The following PCDH9 variants were observed in gnomAD, a reference collection of about 807,000 sequenced individuals.
The protein encoded by PCDH9 is protocadherin-9.
In PCDH9, 24 loss-of-function variants were observed where a neutral mutation model predicts 70.6. That is an observed-to-expected ratio of 0.34 (90% CI 0.25 to 0.48). The LOEUF is 0.48. PCDH9 is among the 20% of genes least tolerant of loss of function. PCDH9 has a pLI of 0.99. For missense variants in PCDH9, 1,281 were observed against 1,503.6 expected, an observed-to-expected ratio of 0.85 and a Z score of 2.45; for synonymous variants, 562 against 558.5, an observed-to-expected ratio of 1.01 and a Z score of -0.09.
chr13:67,178,868 C>A (rs1413797480), intron 2 of PCDH9, among the ~76,000 whole-genome samples: 1 of 152,030 alleles, frequency 6.6e-6, no homozygotes, highest in African/African-American at 2.4e-5. Flanking sequence ...AGGAGAAAGA[C>A]TTTCCTGAGC....
At chr13:66,863,530 A>G (rs1222206893) in intron 3 of PCDH9, among the ~76,000 whole-genome samples, 1 of 152,080 alleles carries the variant, frequency 6.6e-6, no homozygotes, top group African/African-American at 2.4e-5. Context: ...TCTGTCGCCC[A>G]CCTGGAGTGC....
chr13:66,683,104 A>C (rs1175289705), intron 3 of PCDH9, among the ~76,000 whole-genome samples: 1 of 152,102 alleles, frequency 6.6e-6, no homozygotes, highest in Admixed American at 6.6e-5. Flanking sequence ...CAACGTTACA[A>C]CCTGTTATGA....
intron 2 of PCDH9, among the ~76,000 whole-genome samples, chr13:67,116,977 T>G (rs1280855452): frequency 2.0e-5 from 3 of 152,118 alleles, no homozygotes; most frequent in Non-Finnish European, 4.4e-5. Context: ...TAATCAAACT[T>G]TTACATTATC....
At chr13:66,858,413 G>T (rs2081429515) in intron 3 of PCDH9, among the ~76,000 whole-genome samples, 11 of 152,044 alleles carry the variant, frequency 7.2e-5, no homozygotes, top group Admixed American at 7.2e-4. Context: ...GGTTACAAGT[G>T]GCCTGTATTT....
intron 3 of PCDH9, among the ~76,000 whole-genome samples, chr13:66,743,368 T>G (rs2079301802): frequency 1.6e-5 from 2 of 126,082 alleles, no homozygotes; most frequent in South Asian, 3.2e-4. Context: ...GGGGGAGGGA[T>G]AGCATTGGGA....
At chr13:66,919,028 T>C (rs1566292750) in intron 2 of PCDH9, among the ~76,000 whole-genome samples, 1 of 151,332 alleles carries the variant, frequency 6.6e-6, no homozygotes, top group Non-Finnish European at 1.5e-5. Flanking sequence ...CCCTCCTGTA[T>C]GTCTCTGTTC....
At chr13:66,498,620 AC>A (rs1484369149) in intron 4 of PCDH9, among the ~76,000 whole-genome samples, 1 of 152,088 alleles carries the variant, frequency 6.6e-6, no homozygotes, top group African/African-American at 2.4e-5. Context: ...ATAATTCCCA[AC>A]CCCACAAATA....
chr13:66,718,753 C>T (rs1466926755), intron 3 of PCDH9, among the ~76,000 whole-genome samples: 1 of 152,204 alleles, frequency 6.6e-6, no homozygotes, highest in Non-Finnish European at 1.5e-5. Flanking sequence ...CCAAAATAAA[C>T]ACCAGGGTTA....
At chr13:66,744,251 G>A (rs1346161468) in intron 3 of PCDH9, among the ~76,000 whole-genome samples, 1 of 152,094 alleles carries the variant, frequency 6.6e-6, no homozygotes, top group African/African-American at 2.4e-5. Flanking sequence ...CCTGGAGAAA[G>A]ATACTTTATG....
intron 2 of PCDH9, among the ~76,000 whole-genome samples, chr13:66,954,341 T>C (rs1185124745): frequency 6.6e-6 from 1 of 152,178 alleles, no homozygotes; most frequent in Admixed American, 6.5e-5. Flanking sequence ...CTTCACTTTA[T>C]CCATAAAACT....
At chr13:66,543,911 A>C (rs1346136141) in intron 4 of PCDH9, among the ~76,000 whole-genome samples, 1 of 152,170 alleles carries the variant, frequency 6.6e-6, no homozygotes, top group Non-Finnish European at 1.5e-5. Flanking sequence ...GACACAGCCA[A>C]CTTCCATCAC....
intron 2 of PCDH9, among the ~76,000 whole-genome samples, chr13:66,911,382 C>T (rs1020093165): frequency 1.1e-4 from 17 of 152,154 alleles, no homozygotes; most frequent in African/African-American, 3.9e-4. Context: ...TACTTCTAAC[C>T]TCTCTAACTT....
At chr13:67,217,286 T>G (rs1487682920) in intron 2 of PCDH9, 1 of 149,558 alleles carries the variant, frequency 6.7e-6, no homozygotes, top group Non-Finnish European at 1.5e-5. Context: ...AAAAAAAACC[T>G]AATTCACTGA....
intron 3 of PCDH9, among the ~76,000 whole-genome samples, chr13:66,850,656 T>C (rs1386980564): frequency 2.0e-5 from 3 of 152,228 alleles, no homozygotes; most frequent in African/African-American, 7.2e-5. Context: ...TTAAAGATGA[T>C]AACAAAAATG....
chr13:66,804,423 C>T (rs1363805716), intron 3 of PCDH9, among the ~76,000 whole-genome samples: 1 of 151,900 alleles, frequency 6.6e-6, no homozygotes, highest in Non-Finnish European at 1.5e-5. Context: ...AATTGCTTAA[C>T]TTTTAAGAAT....
At chr13:66,854,688 G>C (rs1326318144) in intron 3 of PCDH9, among the ~76,000 whole-genome samples, 1 of 151,934 alleles carries the variant, frequency 6.6e-6, no homozygotes, top group Non-Finnish European at 1.5e-5. Flanking sequence ...CCCAAACATG[G>C]TGCTGAAGTG....
At chr13:66,859,915 G>A (rs1416899523) in intron 3 of PCDH9, among the ~76,000 whole-genome samples, 1 of 152,014 alleles carries the variant, frequency 6.6e-6, no homozygotes, top group Non-Finnish European at 1.5e-5. Flanking sequence ...GAATGAAATG[G>A]ATTTTCAAAT....
chr13:66,995,991 A>G (rs916816614), intron 2 of PCDH9, among the ~76,000 whole-genome samples: 1 of 152,188 alleles, frequency 6.6e-6, no homozygotes, highest in Non-Finnish European at 1.5e-5. Context: ...ATTTGCAATT[A>G]ATTCGGCTGA....
At chr13:66,559,833 TACACACACACAC>T (rs56660850) in intron 4 of PCDH9, among the ~76,000 whole-genome samples, 10 of 87,100 alleles carry the variant, frequency 1.1e-4, no homozygotes, top group Non-Finnish European at 1.7e-4. Flanking sequence ...TATATATATA[TACACACACACAC>T]ACACACACAC....
Sources: allele counts gnomAD v4.1 joint callset (sites outside exome capture counted in the v4.1 genomes callset), GRCh38; gene constraint gnomAD v4.1.1; transcripts MANE v1.5; gene names NCBI Gene and HGNC (gene_info 2026-07-23, HGNC 2026-07-21).